The following RAB3B variants were observed in gnomAD, a reference collection of about 807,000 sequenced individuals.
The protein encoded by RAB3B is ras-related protein Rab-3B.
A neutral mutation model predicts 20.5 loss-of-function variants in RAB3B; 11 were observed. That is an observed-to-expected ratio of 0.54 (90% CI 0.34 to 0.89). The LOEUF is 0.89. Among genes scored for constraint, RAB3B ranks in the 40% least tolerant of loss-of-function variants. RAB3B has a pLI of 0.02. For missense variants in RAB3B, 225 were observed against 280.9 expected (o/e 0.80, Z 1.42); for synonymous variants, 99 against 106.3 (o/e 0.93, Z 0.42).
chr1:51,961,282 C>CT (rs1243840744), intron 2 of RAB3B, among the ~76,000 whole-genome samples: 1 of 152,096 alleles, frequency 6.6e-6, no homozygotes, highest in Non-Finnish European at 1.5e-5. Flanking sequence ...GAGAGGAGGG[C>CT]TGGTAGAAAA....
At chr1:51,932,999 G>A (rs552879524) in intron 4 of RAB3B, among the ~76,000 whole-genome samples, 83 of 151,812 alleles carry the variant, frequency 5.5e-4, no homozygotes, top group Non-Finnish European at 6.5e-4. Context: ...GTTGTATTGT[G>A]ACCATTTTTA....
intron 2 of RAB3B, among the ~76,000 whole-genome samples, chr1:51,965,221 A>C (rs1368765909): frequency 3.7e-4 from 1 of 2,734 alleles, no homozygotes; most frequent in Non-Finnish European, 4.5e-3. Context: ...TTCTGTCTCA[A>C]AAAAAAAAAA....
intron 4 of RAB3B, among the ~76,000 whole-genome samples, chr1:51,928,428 A>T (rs1684277151): frequency 1.3e-5 from 2 of 152,206 alleles, no homozygotes; most frequent in African/African-American, 4.8e-5. Context: ...ATAAACACGA[A>T]TTGTTGGCCA....
At chr1:51,958,616 G>A (rs1425807104) in intron 2 of RAB3B, among the ~76,000 whole-genome samples, 3 of 152,098 alleles carry the variant, frequency 2.0e-5, no homozygotes, top group Admixed American at 6.5e-5. Context: ...CCAGTTACTC[G>A]GGAGGCTGAG....
chr1:51,921,065 A>T (rs1235109641), intron 4 of RAB3B, among the ~76,000 whole-genome samples: 4 of 152,186 alleles, frequency 2.6e-5, no homozygotes, highest in Non-Finnish European at 5.9e-5. Flanking sequence ...GAGACACAGC[A>T]AAGGCCCTCC....
rs1684015026 is a variant in RAB3B at position 51,912,542 on chromosome 1, T to TTAAAAAAAAAAA, written c.*7384_*7385insTTTTTTTTTTTA. Reference sequence around the variant, plus strand: ...GGCAACATAGCAAGACCGTCTCTATTAAAAAAAAAAAAATATATATATATA... The same window carrying TTAAAAAAAAAAA: ...GGCAACATAGCAAGACCGTCTCTATTTAAAAAAAAAAAAAAAAAAAAAAAATATATATATATA... On this transcript the variant is annotated 3_prime_UTR_variant, in exon 5 of 5. Coordinates refer to ENST00000371655, the MANE Select transcript of RAB3B (RefSeq NM_002867.4). 1 of 6,390 alleles carries TTAAAAAAAAAAA rather than the reference T, an allele frequency of 1.6e-4. No homozygotes were observed. The highest frequency in any genetic ancestry group is 2.3e-4 in the Non-Finnish European group (1 of 4,312). The allele number at this position is 6,390 out of a possible 1,614,324, so 0.4% of individuals were successfully genotyped here.
chr1:51,943,540 G>T (rs1193615865), intron 2 of RAB3B, among the ~76,000 whole-genome samples: 1 of 152,190 alleles, frequency 6.6e-6, no homozygotes, highest in Non-Finnish European at 1.5e-5. Flanking sequence ...ACTGAGATGG[G>T]CCGAAAGCTA....
In RAB3B at chr1:51,919,826, G is replaced by T; in HGVS notation, c.*101C>A. ...TCATCTTGCTCTGAGTGTGGGCAGT[G>T]TGTAACAGGGAGAGTGGGCTGAGAG... On this transcript the variant is annotated 3_prime_UTR_variant, in exon 5 of 5. Coordinates refer to ENST00000371655, the MANE Select transcript of RAB3B (RefSeq NM_002867.4). 1 of 1,219,140 alleles carries T rather than the reference G, an allele frequency of 8.2e-7. No homozygotes were observed. Among genetic ancestry groups the T allele is most frequent in the Non-Finnish European group, 1.1e-6 (1 of 877,268 alleles). The allele number at this position is 1,219,140 out of a possible 1,614,324, so 75.5% of individuals were successfully genotyped here. A position where few individuals can be genotyped will look rare whatever the true frequency, so the allele number is the denominator to read the frequency against.
At chr1:51,986,526 T>A (rs941845044) in intron 1 of RAB3B, among the ~76,000 whole-genome samples, 5 of 151,970 alleles carry the variant, frequency 3.3e-5, no homozygotes, top group Admixed American at 3.3e-4. Flanking sequence ...GGCTGGAAAA[T>A]CACTTGAGTC....
chr1:51,909,186 G>A lies in RAB3B; in HGVS notation c.*10741C>T, dbSNP rs1683963485. On this transcript the variant is annotated 3_prime_UTR_variant, in exon 5 of 5. Transcript: ENST00000371655. ...AGATGAGGTTAGGTTCCTGGGACAG[G>A]AGTGTGTATTGAGGTGGAGGGAAGG... 6.6e-6 allele frequency: 1 copy of A among 152,174 alleles called. No individual in the cohort carries two copies. The highest frequency in any genetic ancestry group is 2.4e-5 in the African/African-American group (1 of 41,436). 9.4% of individuals were successfully genotyped at this position (152,174 alleles called of 1,614,324 possible). A position where few individuals can be genotyped will look rare whatever the true frequency, so the allele number is the denominator to read the frequency against.
At chr1:51,934,793 A>C (rs1454485915) in intron 3 of RAB3B, among the ~76,000 whole-genome samples, 3 of 151,996 alleles carry the variant, frequency 2.0e-5, no homozygotes, top group East Asian at 1.9e-4. Context: ...AAAAAAAAAA[A>C]AAAAACCTTT....
intron 2 of RAB3B, among the ~76,000 whole-genome samples, chr1:51,949,847 C>A (rs1208078485): frequency 6.6e-6 from 1 of 152,162 alleles, no homozygotes; most frequent in Non-Finnish European, 1.5e-5. Flanking sequence ...GGGCAGGGGG[C>A]CACAGTGCCA....
intron 2 of RAB3B, among the ~76,000 whole-genome samples, chr1:51,976,450 G>A (rs1295569825): frequency 2.0e-5 from 3 of 152,102 alleles, no homozygotes; most frequent in Admixed American, 6.6e-5. Flanking sequence ...AACATTTAGT[G>A]TGCATTTACT....
chr1:51,971,415 A>G (rs932922521), intron 2 of RAB3B, among the ~76,000 whole-genome samples: 4 of 151,394 alleles, frequency 2.6e-5, no homozygotes, highest in Non-Finnish European at 5.9e-5. Context: ...AGTATACACT[A>G]TGCTTTTTCT....
rs12060486 is a variant in RAB3B, at chr1:51,950,777, G to A, written c.229-13365C>T. 3.7e-3 allele frequency among the ~76,000 whole-genome samples: 561 copies of A among 152,302 alleles called. 2 individuals are homozygous for A. The highest frequency in any genetic ancestry group is 0.013 in the African/African-American group (535 of 41,570). Reference sequence around the variant, plus strand: ...GTGGATGGGGATGATGAGCACCAGGGAGGCAGGTAATGAGAACTTTCAAGC... The same window carrying A: ...GTGGATGGGGATGATGAGCACCAGGAAGGCAGGTAATGAGAACTTTCAAGC... On this transcript the variant is annotated intron_variant, in intron 2 of 4. Transcript: ENST00000371655.
At chr1:51,958,580 G>T (rs554856829) in intron 2 of RAB3B, among the ~76,000 whole-genome samples, 2 of 152,140 alleles carry the variant, frequency 1.3e-5, no homozygotes, top group Admixed American at 6.5e-5. Context: ...AACATTAGCC[G>T]GGCGTGGAGG....
Position 51,937,047 on chromosome 1 carries a change from C to A in RAB3B, c.347+247G>T, listed in dbSNP as rs563347446. On this transcript the variant is annotated intron_variant, in intron 3 of 4. Transcript: ENST00000371655. ...TAGGCTGGTCTCAAACTCCTGACCT[C>A]GGGTGATCTGGCTGCCTCGGCCTCC... Among the ~76,000 whole-genome samples, 1,098 of 152,240 alleles carry A rather than the reference C, an allele frequency of 7.2e-3. 13 individuals are homozygous for A. The highest frequency in any genetic ancestry group is 0.026 in the African/African-American group (1,062 of 41,540).
At chr1:51,930,417 G>T (rs961176132) in intron 4 of RAB3B, among the ~76,000 whole-genome samples, 1 of 152,194 alleles carries the variant, frequency 6.6e-6, no homozygotes, top group African/African-American at 2.4e-5. Flanking sequence ...CACATTTGCT[G>T]TGTAGTAAAG....
chr1:51,964,358 C>T (rs911135859), intron 2 of RAB3B, among the ~76,000 whole-genome samples: 3 of 152,152 alleles, frequency 2.0e-5, no homozygotes, highest in Non-Finnish European at 4.4e-5. Context: ...AGTCTCCTTT[C>T]CCGATTCTCC....
Sources: allele counts gnomAD v4.1 joint callset (sites outside exome capture counted in the v4.1 genomes callset), GRCh38; gene constraint gnomAD v4.1.1; transcripts MANE v1.5; gene names NCBI Gene and HGNC (gene_info 2026-07-23, HGNC 2026-07-21).